The following METTL24 variants were observed in gnomAD, a reference collection of about 807,000 sequenced individuals.
The protein encoded by METTL24 is probable methyltransferase-like protein 24.
In METTL24, 29 loss-of-function variants were observed where a neutral mutation model predicts 32.7. That is an observed-to-expected ratio of 0.89 (90% confidence interval 0.66 to 1.21). The LOEUF (loss-of-function observed/expected upper bound fraction) is 1.21, where lower values mean the gene tolerates loss of function less well. Ranked by LOEUF, METTL24 falls within the 50% of genes most tolerant of loss-of-function variation. The pLI is 0.00. For synonymous variants in METTL24, 163 were observed against 179.5 expected (o/e 0.91, Z 0.73); for missense variants, 439 against 468.1 (o/e 0.94, Z 0.57).
intron 1 of METTL24, among the ~76,000 whole-genome samples, chr6:110,323,265 G>C (rs867399148): frequency 7.9e-5 from 12 of 152,352 alleles, no homozygotes; most frequent in South Asian, 2.1e-4. Flanking sequence ...CCAAAGCTTA[G>C]AGCTTCAAGA....
chr6:110,305,472 A>G (rs1206875301), intron 3 of METTL24, among the ~76,000 whole-genome samples: 1 of 151,844 alleles, frequency 6.6e-6, no homozygotes, highest in Admixed American at 6.6e-5. Flanking sequence ...AACTTAAACA[A>G]ATTTACAAGA....
intron 1 of METTL24, 35 bp from the exon 2 acceptor site, chr6:110,322,907 G>GT (rs779164336): frequency 7.4e-7 from 1 of 1,347,442 alleles, no homozygotes; most frequent in South Asian, 1.2e-5. Context: ...TGTGTGTAAG[G>GT]AAGAGGAACT....
chr6:110,296,824 C>T (rs182807589), intron 4 of METTL24, among the ~76,000 whole-genome samples: 144 of 152,260 alleles, frequency 9.5e-4, no homozygotes, highest in African/African-American at 3.2e-3. Flanking sequence ...CTTCCCCTGC[C>T]GCAGCCACAT....
chr6:110,340,105 C>T (rs1446709687), intron 1 of METTL24, among the ~76,000 whole-genome samples: 1 of 152,130 alleles, frequency 6.6e-6, no homozygotes, highest in Non-Finnish European at 1.5e-5. Flanking sequence ...GAGGGAGGAA[C>T]AACTGGCTAC....
chr6:110,334,840 C>A (rs2114765211), intron 1 of METTL24, among the ~76,000 whole-genome samples: 1 of 152,314 alleles, frequency 6.6e-6, no homozygotes, highest in East Asian at 1.9e-4. Flanking sequence ...GACAATGATA[C>A]AGTATTTGGT....
chr6:110,322,248 G>T (rs1457852504), intron 2 of METTL24, among the ~76,000 whole-genome samples: 1 of 152,198 alleles, frequency 6.6e-6, no homozygotes, highest in Non-Finnish European at 1.5e-5. Context: ...GCTCAGTAAT[G>T]ATTTCAAGTG....
rs1278957461 is a variant in METTL24 at position 110,299,113 on chromosome 6, C to A, written c.595G>T (p.Ala199Ser). 2 of 1,613,944 alleles carry A rather than the reference C, an allele frequency of 1.2e-6. No individual in the cohort carries two copies. Among genetic ancestry groups the A allele is most frequent in the African/African-American group, 2.7e-5 (2 of 74,918 alleles). Residue 199 changes from alanine (A) to serine (S), a missense_variant, in exon 4 of 5, where the codon GCC (alanine) becomes TCC (serine). Physicochemically the swap from Ala to Ser is moderately conservative, Grantham distance 99 (BLOSUM62 1). Coordinates refer to ENST00000338882, the MANE Select transcript of METTL24 (RefSeq NM_001123364.3). ...CGATGCACTTCACATCCGTTGTTGGCCATGCTAACCTCAAAATGGGTATCA... is the reference window on the plus strand; with the variant it reads ...CGATGCACTTCACATCCGTTGTTGGACATGCTAACCTCAAAATGGGTATCA... ...SDDTHFEVSM[A>S]NNGCEVHRFD...
chr6:110,305,152 A>G (rs916487653), intron 3 of METTL24, among the ~76,000 whole-genome samples: 1 of 152,164 alleles, frequency 6.6e-6, no homozygotes, highest in African/African-American at 2.4e-5. Flanking sequence ...AGAGCTCCTA[A>G]AGGAAGCATT....
intron 1 of METTL24, among the ~76,000 whole-genome samples, chr6:110,332,261 A>C (rs1257883732): frequency 6.6e-6 from 1 of 152,092 alleles, no homozygotes; most frequent in African/African-American, 2.4e-5. Flanking sequence ...AGAGTGGCTA[A>C]ACAAATTTGA....
intron 4 of METTL24, among the ~76,000 whole-genome samples, chr6:110,263,718 C>G (rs904106457): frequency 3.3e-5 from 5 of 152,310 alleles, no homozygotes; most frequent in African/African-American, 1.2e-4. Context: ...TGACTTCAAA[C>G]TATACTACAA....
At chr6:110,285,529 T>C (rs1771205769) in intron 4 of METTL24, among the ~76,000 whole-genome samples, 1 of 152,222 alleles carries the variant, frequency 6.6e-6, no homozygotes, top group Non-Finnish European at 1.5e-5. Flanking sequence ...ATGGCCAGCA[T>C]GGGTGTGACC....
chr6:110,313,962 T>C (rs2114745867), intron 3 of METTL24, among the ~76,000 whole-genome samples: 1 of 152,334 alleles, frequency 6.6e-6, no homozygotes, highest in South Asian at 2.1e-4. Context: ...ATCTTTAAAC[T>C]CTTATTTTGT....
intron 4 of METTL24, among the ~76,000 whole-genome samples, chr6:110,255,519 G>T (rs1379315347): frequency 6.6e-6 from 1 of 152,100 alleles, no homozygotes; most frequent in African/African-American, 2.4e-5. Flanking sequence ...GGTAGCAAGG[G>T]ACCTGACCGA....
chr6:110,323,526 C>A (rs1202798379), intron 1 of METTL24, among the ~76,000 whole-genome samples: 1 of 152,110 alleles, frequency 6.6e-6, no homozygotes, highest in Admixed American at 6.5e-5. Flanking sequence ...TTAAGGATGA[C>A]CCGCTCAGCC....
intron 4 of METTL24, among the ~76,000 whole-genome samples, chr6:110,265,903 T>TTTC (rs922909983): frequency 1.7e-5 from 2 of 114,908 alleles, no homozygotes; most frequent in Admixed American, 8.6e-5. Flanking sequence ...CCTCCTCCTC[T>TTTC]TTCTTCTTCT....
chr6:110,341,056 T>C (rs1772346578), intron 1 of METTL24, among the ~76,000 whole-genome samples: 1 of 152,202 alleles, frequency 6.6e-6, no homozygotes, highest in Non-Finnish European at 1.5e-5. Context: ...TATGTCTGTT[T>C]TTCCTATTAA....
intron 3 of METTL24, among the ~76,000 whole-genome samples, chr6:110,307,292 G>A (rs1446376768): frequency 1.3e-5 from 2 of 152,058 alleles, no homozygotes; most frequent in African/African-American, 4.8e-5. Flanking sequence ...AAAGATTTTT[G>A]AACAAATAAT....
intron 4 of METTL24, among the ~76,000 whole-genome samples, chr6:110,264,280 A>C (rs1041099655): frequency 6.6e-6 from 1 of 152,220 alleles, no homozygotes; most frequent in Non-Finnish European, 1.5e-5. Context: ...TACAAGAAAA[A>C]AACAAACAAC....
intron 3 of METTL24, among the ~76,000 whole-genome samples, chr6:110,301,408 C>A (rs1171759150): frequency 1.3e-5 from 2 of 152,156 alleles, no homozygotes; most frequent in African/African-American, 4.8e-5. Flanking sequence ...TCCTTCCCTG[C>A]CCCTTGACTT....
Sources: allele counts gnomAD v4.1 joint callset (sites outside exome capture counted in the v4.1 genomes callset), GRCh38; gene constraint gnomAD v4.1.1; transcripts MANE v1.5; gene names NCBI Gene and HGNC (gene_info 2026-07-23, HGNC 2026-07-21).